DHX9: variants seen among roughly 807,000 people sequenced by gnomAD.
The protein encoded by DHX9 is DExH-box helicase 9, also known as ATP-dependent RNA helicase A.
DHX9 carries 27 observed loss-of-function variants against 148.7 expected under a neutral mutation model. The ratio of observed to expected loss-of-function variants is 0.18; its 90% CI spans 0.13 to 0.25. The LOEUF (loss-of-function observed/expected upper bound fraction) is 0.25, where lower values mean the gene tolerates loss of function less well. DHX9 is among the 10% of genes least tolerant of loss of function. DHX9 has a pLI of 1.00. For missense variants in DHX9, 796 were observed against 1,559.6 expected, an observed-to-expected ratio of 0.51 and a Z score of 8.25; for synonymous variants, 529 against 516.6, an observed-to-expected ratio of 1.02 and a Z score of -0.33.
chr1:182,841,545 G>C (rs926987904), intron 1 of DHX9, among the ~76,000 whole-genome samples: 10 of 152,164 alleles, frequency 6.6e-5, no homozygotes, highest in African/African-American at 2.2e-4. Context: ...TCGCCAAATG[G>C]ATGACCAGAG....
At chr1:182,884,879 C>T (rs1649254322) in intron 27 of DHX9, 66 bp downstream of exon 27, 12 of 1,517,956 alleles carry the variant, frequency 7.9e-6, no homozygotes, top group Admixed American at 1.7e-5. Flanking sequence ...GCCTAGAATT[C>T]CTGAAGTTAG....
intron 6 of DHX9, among the ~76,000 whole-genome samples, chr1:182,855,025 G>A (rs751806115): frequency 2.6e-5 from 4 of 152,054 alleles, no homozygotes; most frequent in Non-Finnish European, 4.4e-5. Flanking sequence ...GTTCTCCATT[G>A]GATGCATCTA....
rs568693996 is a variant in DHX9 at position 182,853,163 on chromosome 1, G to A, written c.365-143G>A. 5.7e-5 allele frequency: 34 copies of A among 593,936 alleles called. No homozygotes were observed. The Admixed American group carries it at 6.0e-4, about 10-fold the overall frequency. The allele number at this position is 593,936 out of a possible 1,614,324, so 36.8% of individuals were successfully genotyped here. A position where few individuals can be genotyped will look rare whatever the true frequency, so the allele number is the denominator to read the frequency against. On this transcript the variant is annotated intron_variant, in intron 4 of 27. Transcript: ENST00000367549. ...GCTGGTCTCAAACTCCTGACCACACGTGATACCCACCTCAGCGTCCGGAAG... is the reference window on the plus strand; with the variant it reads ...GCTGGTCTCAAACTCCTGACCACACATGATACCCACCTCAGCGTCCGGAAG...
intron 3 of DHX9, among the ~76,000 whole-genome samples, chr1:182,847,343 C>T (rs1456480027): frequency 1.3e-5 from 2 of 152,146 alleles, no homozygotes; most frequent in African/African-American, 4.8e-5. Flanking sequence ...TGTTATACTC[C>T]TCCAAAGAGC....
intron 3 of DHX9, among the ~76,000 whole-genome samples, chr1:182,850,494 C>T (rs569861366): frequency 6.6e-6 from 1 of 151,410 alleles, no homozygotes; most frequent in African/African-American, 2.4e-5. Flanking sequence ...ACTCGAGAGG[C>T]TGAAGTGGGA....
At chr1:182,863,922 C>T (rs144694407) in intron 12 of DHX9, among the ~76,000 whole-genome samples, 9 of 152,170 alleles carry the variant, frequency 5.9e-5, no homozygotes, top group African/African-American at 2.2e-4. Context: ...CCTGTAATTA[C>T]AGCACTTTGA....
At chr1:182,850,209 A>G (rs1401096347) in intron 3 of DHX9, among the ~76,000 whole-genome samples, 1 of 152,078 alleles carries the variant, frequency 6.6e-6, no homozygotes, top group Non-Finnish European at 1.5e-5. Flanking sequence ...GTATTCTGTC[A>G]GATACTTGTG....
intron 15 of DHX9, among the ~76,000 whole-genome samples, chr1:182,873,996 A>G (rs1648658265): frequency 6.6e-6 from 1 of 152,244 alleles, no homozygotes; most frequent in Admixed American, 6.5e-5. Context: ...GAAAAAAAAT[A>G]ACATGGTATT....
Position 182,879,256 on chromosome 1 carries a change from A to C in DHX9, c.2358A>C (p.Glu786Asp). 1 of 1,462,684 alleles carries C rather than the reference A, an allele frequency of 6.8e-7. No homozygotes were observed. Among genetic ancestry groups the C allele is most frequent in the Non-Finnish European group, 9.2e-7 (1 of 1,086,690 alleles). The allele number at this position is 1,462,684 out of a possible 1,614,324, so 90.6% of individuals were successfully genotyped here. Reference sequence around the variant, plus strand: ...TATGCTTATTTTCTCTTAGACTTGAAACCCACATGACACCAGAGATGTTCC... The same window carrying C: ...TATGCTTATTTTCTCTTAGACTTGACACCCACATGACACCAGAGATGTTCC... ...LCSRARFERL[E>D]THMTPEMFRT... The change falls in exon 21 of 28, where the codon GAA becomes GAC. Residue 786 changes from glutamate (E) to aspartate (D), a missense_variant. Coordinates refer to ENST00000367549, the MANE Select transcript of DHX9 (RefSeq NM_001357.5).
chr1:182,851,978 G>GT (rs1399295312), intron 3 of DHX9, among the ~76,000 whole-genome samples: 5 of 152,294 alleles, frequency 3.3e-5, no homozygotes, highest in African/African-American at 1.2e-4. Flanking sequence ...TTGTGAGGAG[G>GT]TAAGTACAGA....
intron 14 of DHX9, among the ~76,000 whole-genome samples, chr1:182,869,409 G>T (rs1571313951): frequency 6.6e-6 from 1 of 152,088 alleles, no homozygotes; most frequent in African/African-American, 2.4e-5. Context: ...GGCCAGTCCT[G>T]ACCAGTCTTA....
chr1:182,867,403 T>G (rs531918168), intron 14 of DHX9, among the ~76,000 whole-genome samples: 2 of 152,216 alleles, frequency 1.3e-5, no homozygotes, highest in East Asian at 3.9e-4. Context: ...TTATAATCGT[T>G]TTTTGTTTTG....
chr1:182,881,686 C>T (rs1649091898), intron 24 of DHX9, 39 bp downstream of exon 24: 1 of 1,550,960 alleles, frequency 6.4e-7, no homozygotes, highest in Non-Finnish European at 8.7e-7. Context: ...TTTAAAGTGA[C>T]ATTTATATAG....
chr1:182,886,814 G>T (rs2102624822), intron 27 of DHX9, among the ~76,000 whole-genome samples: 1 of 152,258 alleles, frequency 6.6e-6, no homozygotes, highest in Middle Eastern at 3.4e-3. Context: ...TTATGTTATT[G>T]AACTGAGTAA....
chr1:182,866,663 C>CT, intron 13 of DHX9, 78 bp downstream of exon 13: 1 of 1,469,108 alleles, frequency 6.8e-7, no homozygotes, highest in South Asian at 1.3e-5. Flanking sequence ...AACAGAATGA[C>CT]TGGAAAGAAA....
rs149319412 is a variant in DHX9 at position 182,857,558 on chromosome 1, C to T, written c.674-546C>T. 1.6e-3 allele frequency among the ~76,000 whole-genome samples: 250 copies of T among 152,310 alleles called. 1 individual carries two copies. Among genetic ancestry groups the T allele is most frequent in the Non-Finnish European group, 2.8e-3 (192 of 68,026 alleles). The stretch of plus-strand genomic sequence containing the variant: ...TTTTATTTTTACAACTCTTGAAAAA[C>T]GTAAAGCCATTCCCAGTCCTATGGT... On this transcript the variant is annotated intron_variant, in intron 7 of 27. Coordinates refer to ENST00000367549, the MANE Select transcript of DHX9 (RefSeq NM_001357.5).
chr1:182,853,941 A>T, intron 5 of DHX9, 89 bp from the exon 6 acceptor site: 1 of 1,185,866 alleles, frequency 8.4e-7, no homozygotes, highest in Non-Finnish European at 1.2e-6. Context: ...ATTATAAAGG[A>T]TAGTACAAAG....
intron 12 of DHX9, among the ~76,000 whole-genome samples, chr1:182,864,972 A>G (rs1330154217): frequency 6.6e-6 from 1 of 152,214 alleles, no homozygotes; most frequent in African/African-American, 2.4e-5. Flanking sequence ...CAAGGTGACA[A>G]AGCAATCTCT....
At chr1:182,884,517 A>G in intron 26 of DHX9, 96 bp from the exon 27 acceptor site, 1 of 1,120,518 alleles carries the variant, frequency 8.9e-7, no homozygotes, top group South Asian at 1.5e-5. Context: ...AAGAAGTTAA[A>G]TTTATTCTAT....
Sources: allele counts gnomAD v4.1 joint callset (sites outside exome capture counted in the v4.1 genomes callset), GRCh38; gene constraint gnomAD v4.1.1; transcripts MANE v1.5; gene names NCBI Gene and HGNC (gene_info 2026-07-23, HGNC 2026-07-21).